The following ATP5F1A variants were observed in gnomAD, a reference collection of about 807,000 sequenced individuals.
The protein encoded by ATP5F1A is ATP synthase F1 subunit alpha, also known as ATP synthase F(1) complex subunit alpha, mitochondrial.
A neutral mutation model predicts 57.4 loss-of-function variants in ATP5F1A; 24 were observed. That is an observed-to-expected ratio of 0.42 (90% confidence interval 0.30 to 0.59). The LOEUF (loss-of-function observed/expected upper bound fraction) is 0.59. Ranked by LOEUF, ATP5F1A falls within the 20% of genes least tolerant of loss-of-function variation. ATP5F1A has a pLI of 0.19. For synonymous variants in ATP5F1A, 251 were observed against 255.5 expected (o/e 0.98, Z 0.17); for missense variants, 494 against 707.9 (o/e 0.70, Z 3.43).
rs764019108 is a variant in ATP5F1A at position 46,087,437 on chromosome 18, A to G, written c.855T>C (p.Leu285=). 11 of 1,614,104 alleles carry G rather than the reference A, an allele frequency of 6.8e-6. No individual in the cohort carries two copies. The highest frequency in any genetic ancestry group is 9.3e-6 in the Non-Finnish European group (11 of 1,180,048). ...AGCCAGAGTAAGGAGCCAGGTACTG[A>G]AGTGGGGCAGCATCCGAGGCCGTAG... The part of the protein sequence containing the change: ...VSATASDAAP[L]QYLAPYSGCS... The change falls in exon 7 of 12, where the codon CTT becomes CTC. Residue 285 remains leucine (L), a synonymous_variant. Coordinates refer to ENST00000398752, the MANE Select transcript of ATP5F1A (RefSeq NM_004046.6).
At chr18:46,098,377 G>A, upstream of ATP5F1A, 2 of 1,087,588 alleles carry the variant, frequency 1.8e-6, no homozygotes, top group Non-Finnish European at 2.4e-6. Context: ...CTCTCCCCCC[G>A]CCCCCGCCGC....
chr18:46,098,362 A>AACCC (rs1555696620), upstream of ATP5F1A: 202 of 1,285,988 alleles, frequency 1.6e-4, no homozygotes, highest in Admixed American at 3.4e-4. Flanking sequence ...CCTCGCGTTC[A>AACCC]CCACCTCTCC....
intron 1 of ATP5F1A, among the ~76,000 whole-genome samples, chr18:46,103,610 CAAAA>C (rs71160711): frequency 1.2e-4 from 4 of 34,510 alleles, no homozygotes; most frequent in African/African-American, 3.8e-4. Flanking sequence ...GACTCCATCT[CAAAA>C]AAAAAAAAAA....
rs1910393202 is a variant in ATP5F1A at position 46,089,588 on chromosome 18, T to C, written c.628A>G (p.Ile210Val). The C allele has an allele frequency of 6.2e-7, 1 of 1,614,204 alleles. No individual in the cohort carries two copies. The highest frequency in any genetic ancestry group is 8.5e-7 in the Non-Finnish European group (1 of 1,180,038). ...TACCCAGTCTGTCGGTCACCAATAA[T>C]CAGTTCACGCTGACCACGACCAATT... The part of the protein sequence containing the change: ...VPIGRGQREL[I>V]IGDRQTGKTS... Residue 210 changes from isoleucine to valine, a missense_variant, in exon 5 of 12, where the codon ATT (isoleucine) becomes GTT (valine). Ile to Val is a conservative substitution (Grantham distance 29, BLOSUM62 3). Coordinates refer to ENST00000398752, the MANE Select transcript of ATP5F1A (RefSeq NM_004046.6).
chr18:46,090,078 C>CGGGGGTTGGGGG, intron 3 of ATP5F1A, 82 bp from the exon 4 acceptor site: 1 of 91,940 alleles, frequency 1.1e-5, no homozygotes, highest in Non-Finnish European at 1.9e-5. Context: ...AGAAAATAGT[C>CGGGGGTTGGGGG]GGGGGGTGGG....
chr18:46,097,335 A>G (rs1379594994), intron 1 of ATP5F1A, among the ~76,000 whole-genome samples: 3 of 152,172 alleles, frequency 2.0e-5, no homozygotes, highest in African/African-American at 2.4e-5. Context: ...GTCAGTGTCA[A>G]TGCGTTTACA....
chr18:46,088,497 TA>T (rs1910294053), intron 5 of ATP5F1A: 1 of 348,826 alleles, frequency 2.9e-6, no homozygotes, highest in Non-Finnish European at 5.1e-6. Flanking sequence ...TTAACGGATT[TA>T]GGGCTGTGCA....
At chr18:46,086,559 A>T (rs2144176403) in intron 8 of ATP5F1A, 65 bp from the exon 9 acceptor site, 1 of 1,464,114 alleles carries the variant, frequency 6.8e-7, no homozygotes, top group African/African-American at 1.4e-5. Context: ...CTTCAAATTT[A>T]AGTCATTATG....
At position 46,098,166 on chromosome 18, in the gene ATP5F1A, G is replaced by A. The variant is rs757141621; in HGVS notation, c.60+6C>T. 6.2e-7 allele frequency: 1 copy of A among 1,602,346 alleles called. No individual in the cohort carries two copies. Among genetic ancestry groups the A allele is most frequent in the Non-Finnish European group, 8.5e-7 (1 of 1,177,792 alleles). On this transcript the variant is annotated splice_donor_region_variant and intron_variant, in intron 1 of 11. Transcript: ENST00000398752. ...CGCCTGCATCATGCCGGCCTTCGGTGCTCACCAGTCCGGCCCGCCGAGGAA... is the reference window on the plus strand; with the variant it reads ...CGCCTGCATCATGCCGGCCTTCGGTACTCACCAGTCCGGCCCGCCGAGGAA...
intron 1 of ATP5F1A, among the ~76,000 whole-genome samples, chr18:46,097,385 G>A (rs1911041985): frequency 1.3e-5 from 2 of 151,964 alleles, no homozygotes; most frequent in Non-Finnish European, 2.9e-5. Flanking sequence ...AATAACGAAG[G>A]GTATTAATCC....
chr18:46,098,362 A>AACCCCCCCCCCCCCCCCCCCCCCCC (rs1555696620), upstream of ATP5F1A: 2 of 1,192,938 alleles, frequency 1.7e-6, no homozygotes, highest in Non-Finnish European at 2.2e-6. Flanking sequence ...CCTCGCGTTC[A>AACCCCCCCCCCCCCCCCCCCCCCCC]CCACCTCTCC....
rs1910150486 is a variant in ATP5F1A, at chr18:46,086,999, AAAT to A, written c.1176+6_1176+8del. ...TTTTTAACATTTCTTTTAATCATTA[AAAT>A]AATACCTGTCCGTCAGTGATGGAAA... On this transcript the variant is annotated splice_donor_region_variant and intron_variant, in intron 8 of 11. Transcript: ENST00000398752. 1.2e-6 allele frequency: 2 copies of A among 1,612,776 alleles called. No homozygotes were observed. The highest frequency in any genetic ancestry group is 2.7e-5 in the African/African-American group (2 of 74,858).
At chr18:46,088,999 T>C (rs1203053154) in intron 5 of ATP5F1A, among the ~76,000 whole-genome samples, 1 of 151,778 alleles carries the variant, frequency 6.6e-6, no homozygotes, top group African/African-American at 2.4e-5. Context: ...GCACAGCACC[T>C]TTCCTTAAAC....
rs200619127 is a variant in ATP5F1A at position 46,088,200 on chromosome 18, A to C, written c.708T>G (p.Ser236=). 1.5e-5 allele frequency: 24 copies of C among 1,603,814 alleles called. No individual in the cohort carries two copies. The highest frequency in any genetic ancestry group is 9.3e-6 in the Non-Finnish European group (11 of 1,177,966). ...IINQKRFNDG[S]DEKKKLYCIY... ...TACAGTACAGCTTCTTCTTTTCATCAGATCCATCATTGAAACGTTTCTGGT... is the reference window on the plus strand; with the variant it reads ...TACAGTACAGCTTCTTCTTTTCATCCGATCCATCATTGAAACGTTTCTGGT... Residue 236 remains serine (S), a synonymous_variant, in exon 6 of 12, where the codon TCT becomes TCG. Coordinates refer to ENST00000398752, the MANE Select transcript of ATP5F1A (RefSeq NM_004046.6).
At chr18:46,091,916 T>C in intron 2 of ATP5F1A, 65 bp from the exon 3 acceptor site, 1 of 1,497,088 alleles carries the variant, frequency 6.7e-7, no homozygotes, top group Non-Finnish European at 9.0e-7. Flanking sequence ...CTCACAGCTG[T>C]AATCCCAGCA....
upstream of ATP5F1A, among the ~76,000 whole-genome samples, chr18:46,099,054 G>A (rs1184497214): frequency 2.6e-5 from 4 of 151,746 alleles, no homozygotes; most frequent in African/African-American, 9.7e-5. Flanking sequence ...ATTTACCTGT[G>A]TAACAAACCT....
At chr18:46,098,374 C>CCG, upstream of ATP5F1A, 1 of 1,223,068 alleles carries the variant, frequency 8.2e-7, no homozygotes, top group Non-Finnish European at 1.1e-6. Flanking sequence ...CACCTCTCCC[C>CCG]CCGCCCCCGC....
chr18:46,087,236 T>C lies in ATP5F1A; in HGVS notation c.952-4A>G, dbSNP rs1910170640. On this transcript the variant is annotated splice_polypyrimidine_tract_variant and splice_region_variant and intron_variant, in intron 7 of 11. Transcript: ENST00000398752. Reference sequence around the variant, plus strand: ...ACATCTGACGGTAAGCAACAGCCTATGGTACAGAATAGGTTTGTGAAGTTA... The same window carrying C: ...ACATCTGACGGTAAGCAACAGCCTACGGTACAGAATAGGTTTGTGAAGTTA... 5 of 1,613,834 alleles carry C rather than the reference T, an allele frequency of 3.1e-6. No homozygotes were observed. The highest frequency in any genetic ancestry group is 3.4e-6 in the Non-Finnish European group (4 of 1,179,822).
intron 1 of ATP5F1A, among the ~76,000 whole-genome samples, chr18:46,103,899 G>A (rs1238246374): frequency 6.6e-6 from 1 of 151,890 alleles, no homozygotes; most frequent in Non-Finnish European, 1.5e-5. Flanking sequence ...GGGCGACAAA[G>A]CGAGACTCTG....
Sources: allele counts gnomAD v4.1 joint callset (sites outside exome capture counted in the v4.1 genomes callset), GRCh38; gene constraint gnomAD v4.1.1; transcripts MANE v1.5; gene names NCBI Gene and HGNC (gene_info 2026-07-23, HGNC 2026-07-21).